The following UBE3A variants were observed in gnomAD, a reference collection of about 807,000 sequenced individuals.
UBE3A encodes the protein ubiquitin protein ligase E3A.
A neutral mutation model predicts 83.4 loss-of-function variants in UBE3A; 6 were observed. The observed-to-expected ratio is 0.07, with a 90% CI of 0.04 to 0.14. The LOEUF (loss-of-function observed/expected upper bound fraction) is 0.14, where lower values mean the gene tolerates loss of function less well. Among genes scored for constraint, UBE3A ranks in the 10% least tolerant of loss-of-function variants. UBE3A has a pLI of 1.00. For missense variants in UBE3A, 456 were observed against 1,036.1 expected (o/e 0.44, Z 7.69); for synonymous variants, 337 against 355.4 (o/e 0.95, Z 0.58).
rs757842734 is a variant in UBE3A at position 25,375,619 on chromosome 15, G to A, written c.207C>T (p.Ala69=). ...RMDNNAAAIK[A]LELYKINAKL... ...TTGCATTAATCTTATAAAGCTCGAG[G>A]GCTTTAATAGCTGCTGCATTATTAT... The change falls in exon 5 of 13, where the codon GCC becomes GCT. Residue 69 remains alanine, a synonymous_variant. Transcript: ENST00000648336. The A allele has an allele frequency of 1.1e-5, 18 of 1,614,078 alleles. No individual in the cohort carries two copies. Among genetic ancestry groups the A allele is most frequent in the Non-Finnish European group, 1.5e-5 (18 of 1,180,024 alleles).
In UBE3A at chr15:25,371,853, ATATG is replaced by A. The variant is rs757061698; in HGVS notation, c.362-45_362-42del. 90 of 1,577,462 alleles carry A rather than the reference ATATG, an allele frequency of 5.7e-5. No homozygotes were observed. The highest frequency in any genetic ancestry group is 1.7e-4 in the Middle Eastern group (1 of 5,724). ...AAAAAAGAGAACATTTATTTTCATA[ATATG>A]TATGTTTACTCTGTTGCAAAAAGTT... On this transcript the variant is annotated intron_variant, in intron 5 of 12. Coordinates refer to ENST00000648336, the MANE Select transcript of UBE3A (RefSeq NM_130839.5). This position sits in a 1 kb window ranked among gnomAD's most constrained non-coding sequence, Gnocchi z 5.3.
intron 1 of UBE3A, among the ~76,000 whole-genome samples, chr15:25,422,877 A>G (rs1890243468): frequency 1.3e-5 from 2 of 151,688 alleles, no homozygotes; most frequent in Non-Finnish European, 2.9e-5. Flanking sequence ...ACATGTCTAT[A>G]ATCTTAGCTA....
intron 11 of UBE3A, among the ~76,000 whole-genome samples, chr15:25,351,837 TA>T: frequency 6.6e-6 from 1 of 152,240 alleles, no homozygotes; most frequent in Non-Finnish European, 1.5e-5. Context: ...TTTTCAAAGT[TA>T]GGAGCAGGGA....
At position 25,410,039 on chromosome 15, in the gene UBE3A, T is replaced by C. The variant is rs576703042; in HGVS notation, c.-100-832A>G. Among the ~76,000 whole-genome samples the C allele has an allele frequency of 3.0e-3, 455 of 152,216 alleles. 1 individual carries two copies. The highest frequency in any genetic ancestry group is 5.6e-3 in the South Asian group (27 of 4,812). The stretch of plus-strand genomic sequence containing the variant: ...GGATAGCATTAGGAAATATACCTAA[T>C]GCTAAATGACGAGTTAATGGGTGCA... On this transcript the variant is annotated intron_variant, in intron 2 of 12. Transcript: ENST00000648336.
chr15:25,424,373 T>A (rs951301846), intron 1 of UBE3A, among the ~76,000 whole-genome samples: 4 of 152,332 alleles, frequency 2.6e-5, no homozygotes, highest in Non-Finnish European at 1.5e-5. Context: ...AGTGAAGTTT[T>A]CTCTACCTAC....
chr15:25,430,047 A>ATTTATATG (rs1892681649), intron 1 of UBE3A, among the ~76,000 whole-genome samples: 15 of 108,186 alleles, frequency 1.4e-4, no homozygotes, highest in Non-Finnish European at 2.3e-4. Context: ...ATATATATAT[A>ATTTATATG]TATTTATATG....
chr15:25,342,592 CAT>C (rs1452565816), intron 11 of UBE3A, among the ~76,000 whole-genome samples: 22 of 151,984 alleles, frequency 1.4e-4, no homozygotes, highest in Non-Finnish European at 2.9e-4. Context: ...GTATCGATCA[CAT>C]CCTACTCACA....
At chr15:25,374,968 C>T (rs2080962096) in intron 5 of UBE3A, 1 of 171,674 alleles carries the variant, frequency 5.8e-6, no homozygotes, top group South Asian at 1.5e-4. Flanking sequence ...CATGACTGTA[C>T]CAAATGTCCG....
intron 3 of UBE3A, chr15:25,408,429 A>C (rs545893113): frequency 1.3e-6 from 1 of 758,104 alleles, no homozygotes; most frequent in East Asian, 2.7e-5. Flanking sequence ...GGTTATCCTA[A>C]AGTGTGTCAG....
In UBE3A at chr15:25,356,781, G is replaced by A; in HGVS notation, c.1869C>T (p.Asn623=). The A allele has an allele frequency of 1.2e-6, 2 of 1,613,796 alleles. No homozygotes were observed. The highest frequency in any genetic ancestry group is 2.2e-5 in the South Asian group (2 of 91,080). Residue 623 remains asparagine (N), a synonymous_variant, in exon 8 of 13, where the codon AAC becomes AAT. Transcript: ENST00000648336. ...GIVLGLAIYN[N]CILDVHFPMV... ...TGGGAAAATGTACATCCAGTATACA[G>A]TTATTGTAAATAGCCAGACCCAGTA...
At chr15:25,437,688 TA>T (rs1421628333) in intron 1 of UBE3A, among the ~76,000 whole-genome samples, 1 of 152,204 alleles carries the variant, frequency 6.6e-6, no homozygotes, top group Admixed American at 6.5e-5. Context: ...ATGTAGACGC[TA>T]AATTCTCTTT....
intron 1 of UBE3A, among the ~76,000 whole-genome samples, chr15:25,431,190 T>C (rs1286439472): frequency 6.6e-6 from 1 of 152,226 alleles, no homozygotes; most frequent in Admixed American, 6.5e-5. Flanking sequence ...CGTAACTTCC[T>C]ATTCTCCCAC....
At chr15:25,423,947 T>C (rs1474678140) in intron 1 of UBE3A, among the ~76,000 whole-genome samples, 1 of 152,162 alleles carries the variant, frequency 6.6e-6, no homozygotes, top group East Asian at 1.9e-4. Context: ...CTGTGACCAC[T>C]CTGTCCATTT....
At chr15:25,366,554 T>C (rs1256336333) in intron 6 of UBE3A, among the ~76,000 whole-genome samples, 1 of 152,200 alleles carries the variant, frequency 6.6e-6, no homozygotes, top group African/African-American at 2.4e-5. Flanking sequence ...CCCTATTCAA[T>C]TCCACATCTC....
At chr15:25,360,898 T>TC (rs1308037815) in intron 6 of UBE3A, among the ~76,000 whole-genome samples, 1 of 152,186 alleles carries the variant, frequency 6.6e-6, no homozygotes, top group Non-Finnish European at 1.5e-5. Context: ...TCAAAATTGT[T>TC]CATTAGTAGT....
chr15:25,369,228 A>G (rs2079860072), intron 6 of UBE3A, among the ~76,000 whole-genome samples: 1 of 152,140 alleles, frequency 6.6e-6, no homozygotes, highest in Non-Finnish European at 1.5e-5. Context: ...AAAGGGTACC[A>G]GAAAGCAAGC....
In UBE3A at chr15:25,438,900, A is replaced by G. The variant is rs938183023; in HGVS notation, c.-576T>C. On this transcript the variant is annotated 5_prime_UTR_variant, in exon 1 of 13. Coordinates refer to ENST00000648336, the MANE Select transcript of UBE3A (RefSeq NM_130839.5). Reference sequence around the variant, plus strand: ...GGCGGAGGGGTGCGCGAGCGAGCGAAGCCTGGTGTGTCGGGTCCTGGCGAA... The same window carrying G: ...GGCGGAGGGGTGCGCGAGCGAGCGAGGCCTGGTGTGTCGGGTCCTGGCGAA... The G allele has an allele frequency of 6.5e-6, 1 of 152,732 alleles. No individual in the cohort carries two copies. The highest frequency in any genetic ancestry group is 1.5e-5 in the Non-Finnish European group (1 of 68,530). 9.5% of individuals were successfully genotyped at this position (152,732 alleles called of 1,614,324 possible).
chr15:25,429,264 A>G (rs905844924), intron 1 of UBE3A, among the ~76,000 whole-genome samples: 1 of 152,140 alleles, frequency 6.6e-6, no homozygotes, highest in Non-Finnish European at 1.5e-5. Context: ...GAGACGGGTA[A>G]CAGGACTTGA....
chr15:25,371,119 T>C lies in UBE3A; in HGVS notation c.1055A>G (p.Glu352Gly). The C allele has an allele frequency of 1.2e-6, 2 of 1,614,160 alleles. No homozygotes were observed. The highest frequency in any genetic ancestry group is 1.7e-6 in the Non-Finnish European group (2 of 1,180,024). The change falls in exon 6 of 13, where the codon GAA becomes GGA. Residue 352 changes from glutamate to glycine, a missense_variant. Glu to Gly is a moderately conservative substitution (Grantham distance 98). Around this residue, in one of 13 missense-constraint regions of UBE3A, gnomAD observed 85 missense variants for 137.0 expected, o/e 0.62. Coordinates refer to ENST00000648336, the MANE Select transcript of UBE3A (RefSeq NM_130839.5). This position sits in a 1 kb window ranked among gnomAD's most constrained non-coding sequence, Gnocchi z 5.3. ...QLITYKVISN[E>G]FNSRNLVNDD... ...ATTCACTAGATTTCGACTGTTAAAT[T>C]CATTGCTTATGACTTTATAAGTAAT...
Sources: gnomAD v4.1 joint callset for allele counts (sites outside exome capture counted in the v4.1 genomes callset) on GRCh38, gnomAD v4.1.1 for gene constraint, gnomAD v4.1.1 regional missense constraint, Gnocchi (gnomAD v3.1) non-coding constraint, MANE v1.5 for transcripts, NCBI Gene and HGNC (gene_info 2026-07-23, HGNC 2026-07-21) for gene names.